Variants in PEAK1 observed in about 807,000 individuals in gnomAD.
PEAK1 encodes inactive tyrosine-protein kinase PEAK1.
In PEAK1, 54 loss-of-function variants were observed where a neutral mutation model predicts 124.7. The observed-to-expected ratio is 0.43, with a 90% CI of 0.35 to 0.54. The LOEUF is 0.54. PEAK1 is among the 20% of genes least tolerant of loss of function. The probability of loss-of-function intolerance (pLI) is 0.01; values close to 1 mark genes in which losing one functional copy is unlikely to be tolerated. For synonymous variants in PEAK1, 719 were observed against 760.0 expected, an observed-to-expected ratio of 0.95 and a Z score of 0.89; for missense variants, 2,046 against 2,134.5, an observed-to-expected ratio of 0.96 and a Z score of 0.82.
chr15:77,115,709 T>C (rs2051311381), intron 9 of PEAK1, among the ~76,000 whole-genome samples: 1 of 152,226 alleles, frequency 6.6e-6, no homozygotes, highest in Non-Finnish European at 1.5e-5. Flanking sequence ...ATTTTTCTCT[T>C]ACTTCTGTAG....
chr15:77,181,641 C>T lies in PEAK1; in HGVS notation c.286G>A (p.Glu96Lys). 6.2e-7 allele frequency: 1 copy of T among 1,614,134 alleles called. No individual in the cohort carries two copies. The highest frequency in any genetic ancestry group is 8.5e-7 in the Non-Finnish European group (1 of 1,180,022). ...CGELSIQEHC[E>K]NKPVIIGWNR... ...CACCCTATGATGACAGGTTTGTTCT[C>T]ACAGTGTTCTTGGATGCTAAGCTCA... The change falls in exon 7 of 10, where the codon GAG (glutamate) becomes AAG (lysine). Residue 96 changes from glutamate (E) to lysine (K), a missense_variant. By Grantham distance (56) the Glu-to-Lys change is moderately conservative (BLOSUM62 1). Transcript: ENST00000682557.
chr15:77,124,594 T>G (rs2052212668), intron 9 of PEAK1, among the ~76,000 whole-genome samples: 1 of 152,242 alleles, frequency 6.6e-6, no homozygotes, highest in Non-Finnish European at 1.5e-5. Context: ...TTCTTTTCCT[T>G]TGCCTTACAT....
intron 1 of PEAK1, chr15:77,418,660 T>TC: frequency 1.0e-6 from 1 of 985,424 alleles, no homozygotes; most frequent in South Asian, 4.7e-5. Context: ...AATTGAGCTA[T>TC]CTAGAAATGC....
intron 2 of PEAK1, among the ~76,000 whole-genome samples, chr15:77,339,368 G>C (rs989603348): frequency 6.6e-6 from 1 of 152,088 alleles, no homozygotes; most frequent in African/African-American, 2.4e-5. Flanking sequence ...CTCCCTAAAA[G>C]TAAGACTTGA....
chr15:77,165,281 G>A (rs1034461985), intron 7 of PEAK1, among the ~76,000 whole-genome samples: 7 of 150,310 alleles, frequency 4.7e-5, no homozygotes, highest in African/African-American at 1.2e-4. Flanking sequence ...TGCAACCTCT[G>A]CCTCCCGGGT....
At chr15:77,335,415 C>T (rs1230702169) in intron 2 of PEAK1, 1 of 984,966 alleles carries the variant, frequency 1.0e-6, no homozygotes, top group Non-Finnish European at 1.2e-6. Context: ...AGATAGGAAA[C>T]TTTTTTTTCT....
intron 2 of PEAK1, chr15:77,334,405 A>G: frequency 5.1e-6 from 5 of 985,236 alleles, no homozygotes; most frequent in Non-Finnish European, 6.0e-6. Context: ...TTCCAGATGA[A>G]GGTCTCCCAT....
intron 2 of PEAK1, among the ~76,000 whole-genome samples, chr15:77,332,573 C>A (rs1164808581): frequency 1.3e-5 from 2 of 151,814 alleles, no homozygotes; most frequent in East Asian, 1.9e-4. Context: ...GCACTCCAGG[C>A]TGGGCAACAG....
chr15:77,335,581 C>T lies in PEAK1; in HGVS notation c.-603+29582G>A, dbSNP rs546285103. 1.7e-5 allele frequency: 14 copies of T among 820,138 alleles called. No homozygotes were observed. In the South Asian group the frequency reaches 5.0e-4, roughly 29 times the overall value. The allele number at this position is 820,138 out of a possible 1,614,324, so 50.8% of individuals were successfully genotyped here. A position where few individuals can be genotyped will look rare whatever the true frequency, so the allele number is the denominator to read the frequency against. ...TGCAGCCATGAAGTCTGGGCTTAAG[C>T]GAACCGCCTGACACAGCCTCCTGAG... is the stretch of plus-strand genomic sequence containing the variant. On this transcript the variant is annotated intron_variant, in intron 2 of 9. Coordinates refer to ENST00000682557, the MANE Select transcript of PEAK1 (RefSeq NM_001385026.1).
chr15:77,334,950 A>T, intron 2 of PEAK1: 1 of 985,404 alleles, frequency 1.0e-6, no homozygotes, highest in Non-Finnish European at 1.2e-6. Context: ...TTGAGAACAC[A>T]AATCTCAACA....
Position 77,404,145 on chromosome 15 carries a change from G to T in PEAK1, c.-666+15861C>A, listed in dbSNP as rs1029740732. ...AATTTAACACTTGTGTGACATGAAG[G>T]TCCATAAATATAGAAATACCTAATT... On this transcript the variant is annotated intron_variant, in intron 1 of 9. Transcript: ENST00000682557. The T allele has an allele frequency of 7.3e-5, 72 of 984,992 alleles. No individual in the cohort carries two copies. The African/African-American group carries it at 1.2e-3, about 17-fold the overall frequency. The allele number at this position is 984,992 out of a possible 1,614,324, so 61.0% of individuals were successfully genotyped here.
At chr15:77,116,393 T>C (rs1190688216) in intron 9 of PEAK1, among the ~76,000 whole-genome samples, 2 of 152,212 alleles carry the variant, frequency 1.3e-5, no homozygotes, top group Non-Finnish European at 2.9e-5. Context: ...ATGCACTCTC[T>C]GTAGTGTTTA....
At chr15:77,305,839 T>C (rs1478365131) in intron 2 of PEAK1, among the ~76,000 whole-genome samples, 2 of 152,228 alleles carry the variant, frequency 1.3e-5, no homozygotes, top group African/African-American at 4.8e-5. Context: ...ATAGTTGTGA[T>C]ACTGTATTTT....
intron 5 of PEAK1, among the ~76,000 whole-genome samples, chr15:77,276,313 G>C (rs889758827): frequency 6.6e-6 from 1 of 152,118 alleles, no homozygotes; most frequent in African/African-American, 2.4e-5. Context: ...TCTGAAAACT[G>C]AAGACACAGA....
intron 5 of PEAK1, among the ~76,000 whole-genome samples, chr15:77,253,244 T>TGGCG (rs377748179): frequency 7.9e-6 from 1 of 126,930 alleles, no homozygotes; most frequent in African/African-American, 2.7e-5. Context: ...TTGGTATGCG[T>TGGCG]TGGGGGGGGG....
Position 77,180,512 on chromosome 15 carries a change from C to T in PEAK1, c.1415G>A (p.Cys472Tyr). 6.2e-7 allele frequency: 1 copy of T among 1,614,100 alleles called. No individual in the cohort carries two copies. Among genetic ancestry groups the T allele is most frequent in the Non-Finnish European group, 8.5e-7 (1 of 1,180,014 alleles). The stretch of plus-strand genomic sequence containing the variant: ...CACATCCACGACAGTATATGGCTTG[C>T]ACAATGGCTGTTCCAGGTTCACAAC... ...YRVVNLEQPL[C>Y]KPYTVVDVSA... Residue 472 changes from cysteine to tyrosine, a missense_variant, in exon 7 of 10, where the codon TGC (cysteine) becomes TAC (tyrosine). Cys to Tyr is a radical substitution (Grantham distance 194). Transcript: ENST00000682557.
intron 8 of PEAK1, among the ~76,000 whole-genome samples, chr15:77,134,593 A>G (rs928740532): frequency 2.6e-5 from 4 of 152,236 alleles, no homozygotes; most frequent in Admixed American, 1.3e-4. Context: ...GATTAGAAAA[A>G]GATAAAACAC....
At chr15:77,192,984 G>A (rs1448236332) in intron 6 of PEAK1, among the ~76,000 whole-genome samples, 2 of 152,116 alleles carry the variant, frequency 1.3e-5, no homozygotes, top group African/African-American at 2.4e-5. Context: ...CAGACACACA[G>A]ACATATTTCA....
intron 2 of PEAK1, among the ~76,000 whole-genome samples, chr15:77,314,489 C>A (rs545831155): frequency 1.3e-5 from 2 of 152,188 alleles, no homozygotes; most frequent in African/African-American, 4.8e-5. Flanking sequence ...CCTGCCTCAG[C>A]CTCCTGAGTA....
Sources: gnomAD v4.1 joint callset for allele counts (sites outside exome capture counted in the v4.1 genomes callset) on GRCh38, gnomAD v4.1.1 for gene constraint, MANE v1.5 for transcripts, NCBI Gene and HGNC (gene_info 2026-07-23, HGNC 2026-07-21) for gene names.